The following NLGN4X variants were observed in gnomAD, a reference collection of about 807,000 sequenced individuals.
The protein encoded by NLGN4X is neuroligin-4, X-linked.
Under a neutral mutation model 40.3 loss-of-function variants are expected in NLGN4X, and 3 were observed. The observed-to-expected ratio is 0.07, with a 90% CI of 0.03 to 0.19. The LOEUF (loss-of-function observed/expected upper bound fraction) is 0.19, where lower values mean the gene tolerates loss of function less well. Ranked by LOEUF, NLGN4X falls within the 10% of genes least tolerant of loss-of-function variation. The pLI, the probability that NLGN4X is intolerant of heterozygous loss-of-function variation, is 1.00. For synonymous variants in NLGN4X, 270 were observed against 306.8 expected (o/e 0.88, Z 1.25); for missense variants, 382 against 708.3 (o/e 0.54, Z 5.23).
chrX:6,010,893 A>G (rs2036236138), intron 3 of NLGN4X, among the ~76,000 whole-genome samples: 1 of 111,483 alleles, frequency 9.0e-6, no homozygotes, highest in African/African-American at 3.3e-5. Flanking sequence ...TCTATTTACC[A>G]AACAACAAAA....
chrX:6,135,477 T>C (rs948656018), intron 2 of NLGN4X, among the ~76,000 whole-genome samples: 8 of 111,781 alleles, frequency 7.2e-5, no homozygotes, highest in African/African-American at 2.3e-4. Flanking sequence ...ATTTGTAATA[T>C]AAGCAACAAT....
intron 1 of NLGN4X, among the ~76,000 whole-genome samples, chrX:6,153,735 C>T (rs895845637): frequency 2.7e-5 from 3 of 112,241 alleles, no homozygotes; most frequent in Non-Finnish European, 5.6e-5. Context: ...TTCCAGCCCA[C>T]ACCTTAAATT....
intron 3 of NLGN4X, among the ~76,000 whole-genome samples, chrX:5,951,686 C>T (rs1428684430): frequency 1.8e-5 from 2 of 111,272 alleles, no homozygotes; most frequent in Non-Finnish European, 3.8e-5. Context: ...CGCCTTCTTG[C>T]TGTGTCCTCA....
chrX:6,215,329 T>C (rs1175646472), intron 1 of NLGN4X, among the ~76,000 whole-genome samples: 2 of 103,237 alleles, frequency 1.9e-5, no homozygotes, highest in African/African-American at 7.6e-5. Context: ...GGCAGGTGGA[T>C]CACCTGAGGT....
intron 2 of NLGN4X, among the ~76,000 whole-genome samples, chrX:6,126,589 T>C (rs542780841): frequency 9.0e-6 from 1 of 111,722 alleles, no homozygotes; most frequent in East Asian, 2.8e-4. Context: ...ATTTGCAAAA[T>C]AATAATAATA....
chrX:6,038,233 G>C (rs1029886128), intron 2 of NLGN4X, among the ~76,000 whole-genome samples: 1 of 111,586 alleles, frequency 9.0e-6, no homozygotes, highest in Admixed American at 9.6e-5. Context: ...AGAAGATCTG[G>C]GGCCAGGAAT....
At chrX:5,942,477 G>A (rs1382167289) in intron 3 of NLGN4X, among the ~76,000 whole-genome samples, 2 of 110,181 alleles carry the variant, frequency 1.8e-5, no homozygotes, top group Non-Finnish European at 3.8e-5. Flanking sequence ...GATCACCTGA[G>A]GTTAGACCAG....
In NLGN4X at chrX:6,043,483, T is replaced by A. The variant is rs2037233522; in HGVS notation, c.473-14051A>T. 2.7e-5 allele frequency among the ~76,000 whole-genome samples: 3 copies of A among 111,734 alleles called. No homozygotes were observed. The Admixed American group carries it at 2.9e-4, about 11-fold the overall frequency. ...AAGTTTGCGTTCTGTTGCATCATAC[T>A]TTTCTCCGTAGTCAGGACACAGCAG... is the stretch of plus-strand genomic sequence containing the variant. On this transcript the variant is annotated intron_variant, in intron 2 of 5. Transcript: ENST00000381095.
intron 1 of NLGN4X, among the ~76,000 whole-genome samples, chrX:6,195,119 G>A (rs1380065942): frequency 1.8e-5 from 2 of 112,183 alleles, no homozygotes; most frequent in African/African-American, 6.5e-5. Context: ...AGCTCCACAT[G>A]CATTAGCTGT....
chrX:5,893,927 T>C (rs1281008721), intron 5 of NLGN4X, among the ~76,000 whole-genome samples: 1 of 112,112 alleles, frequency 8.9e-6, no homozygotes, highest in African/African-American at 3.2e-5. Flanking sequence ...TATAACATGT[T>C]TACTATTTTT....
chrX:6,146,038 C>T (rs1162398008), intron 2 of NLGN4X, among the ~76,000 whole-genome samples: 1 of 109,337 alleles, frequency 9.1e-6, no homozygotes. Flanking sequence ...TCCCTTGAGC[C>T]CAGGAGGTTG....
At chrX:6,035,240 T>C (rs1264384977) in intron 2 of NLGN4X, among the ~76,000 whole-genome samples, 1 of 112,003 alleles carries the variant, frequency 8.9e-6, no homozygotes, top group Admixed American at 9.5e-5. Flanking sequence ...ATGGCTTGTC[T>C]TTTGGTTTTC....
chrX:6,130,905 T>TA (rs1449652862), intron 2 of NLGN4X, among the ~76,000 whole-genome samples: 3 of 111,759 alleles, frequency 2.7e-5, no homozygotes, highest in Non-Finnish European at 5.6e-5. Context: ...CAACTGTATA[T>TA]AAAAAAAACC....
chrX:5,940,186 T>G (rs1442361310), intron 3 of NLGN4X, among the ~76,000 whole-genome samples: 1 of 111,847 alleles, frequency 8.9e-6, no homozygotes, highest in Non-Finnish European at 1.9e-5. Flanking sequence ...AACTAATTTC[T>G]GATACTGGCT....
At chrX:5,911,743 C>A (rs2032486292) in intron 3 of NLGN4X, among the ~76,000 whole-genome samples, 1 of 112,111 alleles carries the variant, frequency 8.9e-6, no homozygotes, top group African/African-American at 3.2e-5. Flanking sequence ...CTTGAAACCA[C>A]CTTTGCAAAA....
chrX:6,119,482 C>T (rs72609513), intron 2 of NLGN4X, among the ~76,000 whole-genome samples: 9,742 of 111,158 alleles, frequency 0.088, 353 homozygotes, highest in East Asian at 0.17. Flanking sequence ...TAGAAAGATT[C>T]TGAGGAAAAG....
At chrX:6,164,663 T>A (rs2040463905) in intron 1 of NLGN4X, among the ~76,000 whole-genome samples, 1 of 111,060 alleles carries the variant, frequency 9.0e-6, no homozygotes, top group Non-Finnish European at 1.9e-5. Context: ...TGCCCATACC[T>A]CTCCTAATGA....
chrX:6,009,240 T>G (rs1291908223), intron 3 of NLGN4X, among the ~76,000 whole-genome samples: 1 of 112,127 alleles, frequency 8.9e-6, no homozygotes, highest in Non-Finnish European at 1.9e-5. Flanking sequence ...TTCAATTCTT[T>G]TGAGTATATA....
At chrX:6,040,048 C>T (rs898681783) in intron 2 of NLGN4X, among the ~76,000 whole-genome samples, 3 of 111,625 alleles carry the variant, frequency 2.7e-5, no homozygotes, top group Non-Finnish European at 3.8e-5. Flanking sequence ...AGTGATTCTT[C>T]GACCTCAGCC....
Sources: gnomAD v4.1 joint callset for allele counts (sites outside exome capture counted in the v4.1 genomes callset) on GRCh38, gnomAD v4.1.1 for gene constraint, MANE v1.5 for transcripts, NCBI Gene and HGNC (gene_info 2026-07-23, HGNC 2026-07-21) for gene names.